RNGTT: variants seen among roughly 807,000 people sequenced by gnomAD.
RNGTT encodes the protein mRNA-capping enzyme.
RNGTT carries 33 observed loss-of-function variants against 79.3 expected under a neutral mutation model. The ratio of observed to expected loss-of-function variants is 0.42; its 90% confidence interval spans 0.32 to 0.56. The LOEUF (loss-of-function observed/expected upper bound fraction) is 0.56, where lower values mean the gene tolerates loss of function less well. Among genes scored for constraint, RNGTT ranks in the 20% least tolerant of loss-of-function variants. The probability of loss-of-function intolerance (pLI) is 0.17; values close to 1 mark genes in which losing one functional copy is unlikely to be tolerated. For missense variants in RNGTT, 497 were observed against 739.1 expected, an observed-to-expected ratio of 0.67 and a Z score of 3.80; for synonymous variants, 222 against 235.9, an observed-to-expected ratio of 0.94 and a Z score of 0.54.
At chr6:88,787,664 AC>A (rs1779275693) in intron 12 of RNGTT, among the ~76,000 whole-genome samples, 4 of 141,802 alleles carry the variant, frequency 2.8e-5, no homozygotes, top group South Asian at 2.3e-4. Context: ...CATTTCAAAA[AC>A]AAAAAAAAAA....
intron 11 of RNGTT, among the ~76,000 whole-genome samples, chr6:88,803,647 C>G (rs1278045746): frequency 7.0e-6 from 1 of 142,364 alleles, no homozygotes; most frequent in Non-Finnish European, 1.5e-5. Flanking sequence ...AAACCAAATA[C>G]CACAATAATC....
At chr6:88,669,522 C>A (rs1774547182) in intron 14 of RNGTT, among the ~76,000 whole-genome samples, 1 of 152,204 alleles carries the variant, frequency 6.6e-6, no homozygotes, top group African/African-American at 2.4e-5. Context: ...TTGCCTAGGG[C>A]AAAAGCTGTA....
At chr6:88,828,955 A>G (rs1421717884) in intron 11 of RNGTT, among the ~76,000 whole-genome samples, 2 of 152,164 alleles carry the variant, frequency 1.3e-5, no homozygotes, top group African/African-American at 4.8e-5. Context: ...CCAAGATGGA[A>G]ACCCTCTTCA....
intron 14 of RNGTT, among the ~76,000 whole-genome samples, chr6:88,654,207 G>A (rs908280381): frequency 4.6e-5 from 7 of 152,056 alleles, no homozygotes; most frequent in African/African-American, 1.2e-4. Flanking sequence ...TTTAACCTTC[G>A]TTTACTTTTT....
intron 6 of RNGTT, among the ~76,000 whole-genome samples, chr6:88,892,417 G>A (rs1281010507): frequency 6.6e-6 from 1 of 152,046 alleles, no homozygotes; most frequent in Non-Finnish European, 1.5e-5. Flanking sequence ...GGACTTTAAG[G>A]GGATAAACAC....
chr6:88,770,556 A>C (rs1031026999), intron 12 of RNGTT, among the ~76,000 whole-genome samples: 8 of 152,292 alleles, frequency 5.3e-5, no homozygotes, highest in Admixed American at 3.9e-4. Flanking sequence ...AAGGTGATGG[A>C]TATCTGGGTT....
At chr6:88,877,183 G>A (rs910893552) in intron 8 of RNGTT, among the ~76,000 whole-genome samples, 2 of 152,282 alleles carry the variant, frequency 1.3e-5, no homozygotes, top group East Asian at 3.9e-4. Context: ...GGAAATCAAT[G>A]TTGGTTCTCA....
chr6:88,898,640 A>G (rs574866393), intron 6 of RNGTT, among the ~76,000 whole-genome samples: 109 of 150,764 alleles, frequency 7.2e-4, no homozygotes, highest in African/African-American at 2.6e-3. Context: ...TTTACAATAT[A>G]TAATTTTTAG....
intron 11 of RNGTT, among the ~76,000 whole-genome samples, chr6:88,806,658 G>C (rs1779965024): frequency 6.6e-6 from 1 of 152,134 alleles, no homozygotes. Flanking sequence ...GTGTAAATTA[G>C]TTCAACCATT....
chr6:88,753,365 T>C (rs1342754612), intron 13 of RNGTT, among the ~76,000 whole-genome samples: 1 of 151,918 alleles, frequency 6.6e-6, no homozygotes, highest in East Asian at 1.9e-4. Flanking sequence ...TAGCCATGTG[T>C]GGTGGCATGT....
At chr6:88,767,712 GC>G (rs1425519526) in intron 13 of RNGTT, among the ~76,000 whole-genome samples, 2 of 134,738 alleles carry the variant, frequency 1.5e-5, no homozygotes, top group Non-Finnish European at 3.1e-5. Context: ...AAACAGCGTA[GC>G]CCCACTAGAA....
chr6:88,797,432 G>C (rs1300113267), intron 12 of RNGTT, among the ~76,000 whole-genome samples: 1 of 152,108 alleles, frequency 6.6e-6, no homozygotes, highest in Non-Finnish European at 1.5e-5. Context: ...ATCTATCAGA[G>C]AAGAAAGGTA....
chr6:88,914,066 T>C (rs920377286), intron 4 of RNGTT, among the ~76,000 whole-genome samples: 2 of 152,004 alleles, frequency 1.3e-5, no homozygotes, highest in Admixed American at 6.6e-5. Flanking sequence ...TACCTAGGAA[T>C]ACACCCAACC....
At chr6:88,866,435 C>A (rs1218832889) in intron 8 of RNGTT, among the ~76,000 whole-genome samples, 1 of 152,132 alleles carries the variant, frequency 6.6e-6, no homozygotes, top group African/African-American at 2.4e-5. Context: ...ACACAAAAAA[C>A]TAGTTACATT....
At chr6:88,705,742 T>C (rs1233679130) in intron 13 of RNGTT, among the ~76,000 whole-genome samples, 1 of 152,126 alleles carries the variant, frequency 6.6e-6, no homozygotes, top group East Asian at 1.9e-4. Context: ...ATGTTCTGAC[T>C]ATGGTCAGCA....
rs184173646 is a variant in RNGTT, at chr6:88,748,937, T to G, written c.1439+20837A>C. Among the ~76,000 whole-genome samples, 344 of 152,094 alleles carry G rather than the reference T, an allele frequency of 2.3e-3. 1 individual carries two copies. Among genetic ancestry groups the G allele is most frequent in the African/African-American group, 7.9e-3 (326 of 41,504 alleles). ...TCTACAGTACATCAAATACAAAGAT[T>G]GAATCTTAAAAACAAGAACAAAGAA... On this transcript the variant is annotated intron_variant, in intron 13 of 15. Transcript: ENST00000369485.
intron 8 of RNGTT, among the ~76,000 whole-genome samples, chr6:88,854,169 A>G (rs1781767507): frequency 6.6e-6 from 1 of 152,014 alleles, no homozygotes; most frequent in Non-Finnish European, 1.5e-5. Flanking sequence ...GCCTCAAGTG[A>G]TCTGCCCACC....
Position 88,612,766 on chromosome 6 carries a change from C to T in RNGTT, c.1747G>A (p.Glu583Lys), listed in dbSNP as rs1354816175. 1.9e-6 allele frequency: 3 copies of T among 1,613,154 alleles called. No homozygotes were observed. The highest frequency in any genetic ancestry group is 1.7e-5 in the Admixed American group (1 of 59,992). Residue 583 changes from glutamate to lysine, a missense_variant, in exon 16 of 16, where the codon GAG becomes AAG. Glu to Lys is a moderately conservative substitution (Grantham distance 56, BLOSUM62 1). This residue lies in a region of RNGTT where 53 missense variants were observed against 50.5 expected (regional missense o/e 1.05). Coordinates refer to ENST00000369485, the MANE Select transcript of RNGTT (RefSeq NM_003800.5). Reference sequence around the variant, plus strand: ...TTGGGAGGTGGTGGTGGCATGAGCTCCGTGTCAGGGTCCAGATGATGTTTT... The same window carrying T: ...TTGGGAGGTGGTGGTGGCATGAGCTTCGTGTCAGGGTCCAGATGATGTTTT... ...KRKHHLDPDTELMPPPPPKRP... is the reference protein window; with the variant it reads ...KRKHHLDPDTKLMPPPPPKRP...
intron 14 of RNGTT, among the ~76,000 whole-genome samples, chr6:88,663,632 G>A (rs745601756): frequency 6.6e-6 from 1 of 152,178 alleles, no homozygotes; most frequent in Non-Finnish European, 1.5e-5. Context: ...TTACCAAGAA[G>A]AGAGGCTCCC....
Sources: allele counts gnomAD v4.1 joint callset (sites outside exome capture counted in the v4.1 genomes callset), GRCh38; gene constraint gnomAD v4.1.1; regional missense constraint gnomAD v4.1.1; transcripts MANE v1.5; gene names NCBI Gene and HGNC (gene_info 2026-07-23, HGNC 2026-07-21).